The following TMEM126A variants were observed in gnomAD, a reference collection of about 807,000 sequenced individuals.
TMEM126A encodes the protein transmembrane protein 126A.
Under a neutral mutation model 18.3 loss-of-function variants are expected in TMEM126A, and 10 were observed. The ratio of observed to expected loss-of-function variants is 0.55; its 90% CI spans 0.34 to 0.93. The LOEUF (loss-of-function observed/expected upper bound fraction) is 0.93, where lower values mean the gene tolerates loss of function less well. Ranked by LOEUF, TMEM126A falls within the 40% of genes least tolerant of loss-of-function variation. The probability of loss-of-function intolerance (pLI) is 0.02; values close to 1 mark genes in which losing one functional copy is unlikely to be tolerated. For synonymous variants in TMEM126A, 68 were observed against 78.1 expected (o/e 0.87, Z 0.68); for missense variants, 246 against 230.2 (o/e 1.07, Z -0.44).
chr11:85,653,563 C>T (rs1243361180), intron 2 of TMEM126A, among the ~76,000 whole-genome samples: 1 of 152,168 alleles, frequency 6.6e-6, no homozygotes, highest in Non-Finnish European at 1.5e-5. Context: ...TCTACCACTA[C>T]CTGAAAACAT....
intron 2 of TMEM126A, among the ~76,000 whole-genome samples, chr11:85,651,069 CAAAAAAAA>C (rs3068382): frequency 7.5e-5 from 6 of 79,872 alleles, no homozygotes; most frequent in African/African-American, 2.2e-4. Flanking sequence ...GGATCCGTCT[CAAAAAAAA>C]AAAAAAAAAA....
rs1555208656 is a variant in TMEM126A at position 85,654,295 on chromosome 11, G to A, written c.280+39G>A. 4.4e-6 allele frequency: 7 copies of A among 1,594,818 alleles called. No individual in the cohort carries two copies. In the South Asian group the frequency reaches 7.7e-5, roughly 18 times the overall value. On this transcript the variant is annotated intron_variant, in intron 3 of 4. Coordinates refer to ENST00000304511, the MANE Select transcript of TMEM126A (RefSeq NM_032273.4). ...CACTATCACCAAAGAGTTTGCCTTA[G>A]TATATGTTATTTGCAGCTTTAGTCC...
intron 2 of TMEM126A, among the ~76,000 whole-genome samples, chr11:85,653,825 G>A (rs1167757425): frequency 4.6e-5 from 7 of 152,190 alleles, no homozygotes; most frequent in African/African-American, 1.7e-4. Context: ...GTCTTGTAAT[G>A]TGTTGTGCTA....
intron 1 of TMEM126A, among the ~76,000 whole-genome samples, chr11:85,648,940 T>G (rs1375600572): frequency 2.6e-5 from 4 of 151,068 alleles, no homozygotes; most frequent in Admixed American, 6.6e-5. Context: ...TGAACTGTTT[T>G]TTTTTTTTTT....
rs753744719 is a variant in TMEM126A, at chr11:85,655,683, C to T, written c.370C>T (p.Pro124Ser). ...GGLYPVFLAIPVNGGLAARYQ... is the reference protein window; with the variant it reads ...GGLYPVFLAISVNGGLAARYQ... ...TCTATACCCTGTTTTCTTGGCTATA[C>T]CTGTAAATGGTGGTCTAGCAGCCAG... The change falls in exon 4 of 5, where the codon CCT becomes TCT. Residue 124 changes from proline to serine, a missense_variant. Coordinates refer to ENST00000304511, the MANE Select transcript of TMEM126A (RefSeq NM_032273.4). 1 of 1,613,338 alleles carries T rather than the reference C, an allele frequency of 6.2e-7. No homozygotes were observed.
intron 2 of TMEM126A, among the ~76,000 whole-genome samples, chr11:85,651,525 G>C (rs2082499656): frequency 6.6e-6 from 1 of 152,168 alleles, no homozygotes; most frequent in Non-Finnish European, 1.5e-5. Context: ...CAGCTGAGAT[G>C]AAAAGAGGAT....
At chr11:85,654,347 T>G in intron 3 of TMEM126A, 91 bp downstream of exon 3, 1 of 1,227,878 alleles carries the variant, frequency 8.1e-7, no homozygotes, top group South Asian at 1.2e-5. Context: ...AGTAGCTGTA[T>G]GCTGTAATGC....
At chr11:85,650,483 G>A (rs867848866) in intron 2 of TMEM126A, 142 bp downstream of exon 2, 20 of 688,124 alleles carry the variant, frequency 2.9e-5, no homozygotes, top group African/African-American at 1.1e-4. Context: ...GGATGAGAGC[G>A]TTTAACCATT....
At chr11:85,648,700 C>A (rs17811011) in intron 1 of TMEM126A, among the ~76,000 whole-genome samples, 5,533 of 152,200 alleles carry the variant, frequency 0.036, 153 homozygotes, top group Admixed American at 0.053. Flanking sequence ...AGCCAAGGCC[C>A]TCAAAAATTT....
At chr11:85,650,369 C>G in intron 2 of TMEM126A, 28 bp downstream of exon 2, 1 of 1,464,322 alleles carries the variant, frequency 6.8e-7, no homozygotes, top group Admixed American at 1.7e-5. Context: ...TTTAAAAACA[C>G]CTTTTATCAG....
chr11:85,654,394 C>A, intron 3 of TMEM126A, 138 bp downstream of exon 3: 2 of 822,130 alleles, frequency 2.4e-6, no homozygotes, highest in South Asian at 1.7e-5. Flanking sequence ...TATAATGTGG[C>A]AAATAATTCA....
rs1252049093 is a variant in TMEM126A at position 85,656,354 on chromosome 11, C to T, written c.441C>T (p.Tyr147=). Residue 147 remains tyrosine (Y), a synonymous_variant, in exon 5 of 5, where the codon TAC becomes TAT. Transcript: ENST00000304511. ...CACACAAAGGGAACATCTTAAGTTA[C>T]TGGATTAGAACTTCTAAGCCTGTCT... is the stretch of plus-strand genomic sequence containing the variant. ...LLPHKGNILS[Y]WIRTSKPVFR... is the part of the protein sequence containing the mutation. 1 of 1,612,590 alleles carries T rather than the reference C, an allele frequency of 6.2e-7. No individual in the cohort carries two copies. Among genetic ancestry groups the T allele is most frequent in the Non-Finnish European group, 8.5e-7 (1 of 1,179,584 alleles).
intron 3 of TMEM126A, 114 bp from the exon 4 acceptor site, chr11:85,655,480 T>G: frequency 1.3e-6 from 1 of 795,842 alleles, no homozygotes; most frequent in South Asian, 1.4e-5. Flanking sequence ...TACAATTACA[T>G]TTGATATATT....
intron 1 of TMEM126A, among the ~76,000 whole-genome samples, chr11:85,649,275 C>A (rs554378873): frequency 6.6e-6 from 1 of 152,180 alleles, no homozygotes; most frequent in South Asian, 2.1e-4. Context: ...TGAGCCAAAT[C>A]TTCATCATTC....
Position 85,650,250 on chromosome 11 carries a change from C to T in TMEM126A, c.-6C>T. The stretch of plus-strand genomic sequence containing the variant: ...AATGATATCTTCATGTTTTTTAAGG[C>T]TCAAAATGGAAAATCATAAATCCAA... On this transcript the variant is annotated splice_region_variant and 5_prime_UTR_variant, in exon 2 of 5. Transcript: ENST00000304511. 1 of 1,565,906 alleles carries T rather than the reference C, an allele frequency of 6.4e-7. No homozygotes were observed. The highest frequency in any genetic ancestry group is 8.8e-7 in the Non-Finnish European group (1 of 1,141,580).
chr11:85,653,408 T>C (rs75207957), intron 2 of TMEM126A, among the ~76,000 whole-genome samples: 1,696 of 152,274 alleles, frequency 0.011, 31 homozygotes, highest in African/African-American at 0.039. Context: ...ATGTAAGTGG[T>C]AAAAAAGCTA....
rs573197343 is a variant in TMEM126A at position 85,650,096 on chromosome 11, G to T, written c.-7-153G>T. ...AAAAGCTTTATGTGTTGCTTTTCAT[G>T]TTCTGGTTTCTGTTTCACTTAGATT... On this transcript the variant is annotated intron_variant, in intron 1 of 4. Coordinates refer to ENST00000304511, the MANE Select transcript of TMEM126A (RefSeq NM_032273.4). Among the ~76,000 whole-genome samples the T allele has an allele frequency of 4.1e-4, 62 of 151,930 alleles. No homozygotes were observed. Among genetic ancestry groups the T allele is most frequent in the African/African-American group, 1.5e-3 (61 of 41,434 alleles).
chr11:85,654,485 CTT>C (rs1458924407), intron 3 of TMEM126A, among the ~76,000 whole-genome samples: 6 of 152,296 alleles, frequency 3.9e-5, no homozygotes, highest in East Asian at 1.9e-4. Flanking sequence ...GAGTTTTGCT[CTT>C]GTTGCCCAGG....
intron 1 of TMEM126A, among the ~76,000 whole-genome samples, chr11:85,648,882 T>C (rs976187314): frequency 1.3e-5 from 2 of 151,690 alleles, no homozygotes; most frequent in African/African-American, 2.4e-5. Context: ...TTGTAGGAAA[T>C]GAGAAAATCT....
Sources: gnomAD v4.1 joint callset for allele counts (sites outside exome capture counted in the v4.1 genomes callset) on GRCh38, gnomAD v4.1.1 for gene constraint, MANE v1.5 for transcripts, NCBI Gene and HGNC (gene_info 2026-07-23, HGNC 2026-07-21) for gene names.